MED25: variants seen among roughly 807,000 people sequenced by gnomAD.
MED25 encodes mediator of RNA polymerase II transcription subunit 25.
A neutral mutation model predicts 89.4 loss-of-function variants in MED25; 62 were observed. The ratio of observed to expected loss-of-function variants is 0.69; its 90% CI spans 0.57 to 0.86. MED25 has a LOEUF of 0.86. MED25 is among the 40% of genes least tolerant of loss of function. The probability of loss-of-function intolerance (pLI) is 0.00; values close to 1 mark genes in which losing one functional copy is unlikely to be tolerated. For synonymous variants in MED25, 449 were observed against 427.9 expected, an observed-to-expected ratio of 1.05 and a Z score of -0.61; for missense variants, 905 against 1,005.2, an observed-to-expected ratio of 0.90 and a Z score of 1.35.
chr19:49,832,602 A>C (rs1410739330), intron 13 of MED25, among the ~76,000 whole-genome samples, 187 bp downstream of exon 13: 1 of 152,100 alleles, frequency 6.6e-6, no homozygotes, highest in Non-Finnish European at 1.5e-5. Context: ...CGTATGCACC[A>C]GATTTGAGGG....
At chr19:49,837,803 C>G (rs1188640223), downstream of MED25, among the ~76,000 whole-genome samples, 2 of 152,112 alleles carry the variant, frequency 1.3e-5, no homozygotes, top group African/African-American at 4.8e-5. Flanking sequence ...TTTGGCAGTT[C>G]AAGCCACAGA....
At chr19:49,838,029 G>C (rs771842885), downstream of MED25, among the ~76,000 whole-genome samples, 4 of 152,062 alleles carry the variant, frequency 2.6e-5, no homozygotes, top group Admixed American at 6.6e-5. Context: ...AGCGCAGGGT[G>C]GTCTCTCCTG....
At chr19:49,822,837 C>T (rs2073992625) in intron 3 of MED25, among the ~76,000 whole-genome samples, 1 of 151,722 alleles carries the variant, frequency 6.6e-6, no homozygotes, top group African/African-American at 2.4e-5. Context: ...TTAGTAGAGA[C>T]AGGGTTTCAC....
chr19:49,837,024 G>A (rs1236956137), downstream of MED25: 1 of 1,154,546 alleles, frequency 8.7e-7, no homozygotes, highest in Non-Finnish European at 1.3e-6. Context: ...TGGGCAGGAG[G>A]AAACCCCAGG....
At chr19:49,832,481 G>A (rs1172008347) in intron 13 of MED25, 66 bp downstream of exon 13, 25 of 1,005,882 alleles carry the variant, frequency 2.5e-5, no homozygotes, top group South Asian at 2.2e-4. Flanking sequence ...GACCTTTGAC[G>A]GGAATCCCAG....
intron 3 of MED25, among the ~76,000 whole-genome samples, chr19:49,827,513 G>A (rs1327287470): frequency 1.3e-5 from 2 of 152,054 alleles, no homozygotes; most frequent in East Asian, 3.9e-4. Context: ...TCCTCACATG[G>A]CCTCTCCCTG....
chr19:49,822,489 G>A (rs1013452025), intron 3 of MED25, among the ~76,000 whole-genome samples: 9 of 151,812 alleles, frequency 5.9e-5, no homozygotes, highest in Non-Finnish European at 1.2e-4. Flanking sequence ...TGCCCAGGCT[G>A]GTTTTGAACT....
intron 4 of MED25, 140 bp from the exon 5 acceptor site, chr19:49,828,830 G>A: frequency 6.7e-7 from 1 of 1,493,356 alleles, no homozygotes; most frequent in South Asian, 1.2e-5. Flanking sequence ...TGGAGCCTCA[G>A]TGTTCTCAGC....
At position 49,832,133 on chromosome 19, in the gene MED25, GC is replaced by G; in HGVS notation, c.1351del (p.Gln451SerfsTer8). On this transcript the variant is annotated frameshift_variant, in exon 12 of 18. Transcript: ENST00000312865. LOFTEE classifies it high-confidence loss of function. The stretch of plus-strand genomic sequence containing the variant: ...AGCAGTGGCCCCAGAAGCTGATCAT[GC>G]AGCTCATCCCCCAGCAGCTGCTGGT... ...TEQWPQKLIMQLIPQQLLTTL... is the reference protein window; with the variant it reads ...TEQWPQKLIMXLIPQQLLTTL... 5 of 1,612,916 alleles carry G rather than the reference GC, an allele frequency of 3.1e-6. No homozygotes were observed. The highest frequency in any genetic ancestry group is 4.2e-6 in the Non-Finnish European group (5 of 1,180,008).
rs2074036488 is a variant in MED25, at chr19:49,829,272, G to A, written c.525+182G>A. Among the ~76,000 whole-genome samples the A allele has an allele frequency of 6.6e-6, 1 of 152,078 alleles. No individual in the cohort carries two copies. ...TCAGACACAGAATAGTCACAGACTG[G>A]TGACCAGCTTTGCTTACTCTCTTTT... On this transcript the variant is annotated intron_variant, in intron 5 of 17. Coordinates refer to ENST00000312865, the MANE Select transcript of MED25 (RefSeq NM_030973.4). The surrounding 1 kb of genome is among the most constrained non-coding windows in gnomAD (Gnocchi z 4.6).
downstream of MED25, chr19:49,839,545 A>G (rs1484014528): frequency 6.6e-6 from 1 of 152,248 alleles, no homozygotes; most frequent in Non-Finnish European, 1.5e-5. Context: ...AAGTTAACCA[A>G]CTTGGTTCAT....
chr19:49,831,234 A>G lies in MED25; in HGVS notation c.1102-99A>G. The G allele has an allele frequency of 7.7e-7, 1 of 1,306,704 alleles. No individual in the cohort carries two copies. The highest frequency in any genetic ancestry group is 1.1e-6 in the Non-Finnish European group (1 of 946,218). The allele number at this position is 1,306,704 out of a possible 1,614,324, so 80.9% of individuals were successfully genotyped here. A position where few individuals can be genotyped will look rare whatever the true frequency, so the allele number is the denominator to read the frequency against. Reference sequence around the variant, plus strand: ...TGTTCTGGGGATGGAGGGGCAGAAGAAGGGATCTTTCCTCCTTCCTGGTTT... The same window carrying G: ...TGTTCTGGGGATGGAGGGGCAGAAGGAGGGATCTTTCCTCCTTCCTGGTTT... On this transcript the variant is annotated intron_variant, in intron 9 of 17. Coordinates refer to ENST00000312865, the MANE Select transcript of MED25 (RefSeq NM_030973.4). The surrounding 1 kb of genome is among the most constrained non-coding windows in gnomAD (Gnocchi z 5.0).
Position 49,831,210 on chromosome 19 carries a change from G to A in MED25, c.1102-123G>A. Reference sequence around the variant, plus strand: ...GGGGTCCTGCGGCTGGCCAAGTGCTGTTCTGGGGATGGAGGGGCAGAAGAA... The same window carrying A: ...GGGGTCCTGCGGCTGGCCAAGTGCTATTCTGGGGATGGAGGGGCAGAAGAA... On this transcript the variant is annotated intron_variant, in intron 9 of 17. Coordinates refer to ENST00000312865, the MANE Select transcript of MED25 (RefSeq NM_030973.4). This position sits in a 1 kb window ranked among gnomAD's most constrained non-coding sequence, Gnocchi z 5.0. The A allele has an allele frequency of 8.8e-7, 1 of 1,137,072 alleles. No homozygotes were observed. The highest frequency in any genetic ancestry group is 1.2e-6 in the Non-Finnish European group (1 of 802,108). The allele number at this position is 1,137,072 out of a possible 1,614,324, so 70.4% of individuals were successfully genotyped here. A position where few individuals can be genotyped will look rare whatever the true frequency, so the allele number is the denominator to read the frequency against.
chr19:49,825,212 T>A (rs2074008261), intron 3 of MED25, among the ~76,000 whole-genome samples: 1 of 152,118 alleles, frequency 6.6e-6, no homozygotes, highest in Non-Finnish European at 1.5e-5. Context: ...CATCTCAAAC[T>A]GGTTAGTTTA....
At chr19:49,819,327 T>G (rs759656698) in intron 3 of MED25, 31 bp downstream of exon 3, 2 of 1,095,952 alleles carry the variant, frequency 1.8e-6, no homozygotes, top group South Asian at 1.4e-5. Context: ...GGTGGGTTGC[T>G]GGTCCCTGTG....
chr19:49,838,947 GAGTGACGTGTCCTGCAC>G (rs1600334761), downstream of MED25: 1 of 367,400 alleles, frequency 2.7e-6, no homozygotes, highest in East Asian at 7.3e-5. Context: ...TAAAGGAGCA[GAGTGACGTGTCCTGCAC>G]AGAAACACAT....
rs1412190443 is a variant in MED25 at position 49,831,498 on chromosome 19, C to A, written c.1230+37C>A. ...GAGGGTCCATTGGGCACTTGGGACT[C>A]CTGGGGCCGTGGGGCTGGGCATGTA... is the stretch of plus-strand genomic sequence containing the variant. On this transcript the variant is annotated intron_variant, in intron 10 of 17. Transcript: ENST00000312865. The surrounding 1 kb of genome is among the most constrained non-coding windows in gnomAD (Gnocchi z 5.0). The A allele has an allele frequency of 6.2e-7, 1 of 1,602,840 alleles. No homozygotes were observed.
downstream of MED25, chr19:49,838,935 T>G: frequency 5.4e-6 from 2 of 369,984 alleles, no homozygotes; most frequent in Non-Finnish European, 1.1e-5. Flanking sequence ...ATGGCAAGTT[T>G]ATAAAGGAGC....
Position 49,830,822 on chromosome 19 carries a change from C to T in MED25, c.1036C>T (p.Leu346=), listed in dbSNP as rs774768558. 7.4e-6 allele frequency: 12 copies of T among 1,613,304 alleles called. 1 individual carries two copies. In the East Asian group the frequency reaches 2.7e-4, roughly 36 times the overall value. The part of the protein sequence containing the change: ...PKPPPASQPS[L]VSTVAPGSGL... ...GCCACCACCTGCTTCCCAGCCCAGTCTGGTCTCCACTGTGGCCCCTGGCTC... is the reference window on the plus strand; with the variant it reads ...GCCACCACCTGCTTCCCAGCCCAGTTTGGTCTCCACTGTGGCCCCTGGCTC... Residue 346 remains leucine (L), a synonymous_variant, in exon 9 of 18, where the codon CTG becomes TTG. Transcript: ENST00000312865. The surrounding 1 kb of genome is among the most constrained non-coding windows in gnomAD (Gnocchi z 4.6).
Sources: gnomAD v4.1 joint callset for allele counts (sites outside exome capture counted in the v4.1 genomes callset) on GRCh38, gnomAD v4.1.1 for gene constraint, Gnocchi (gnomAD v3.1) non-coding constraint, MANE v1.5 for transcripts, NCBI Gene and HGNC (gene_info 2026-07-23, HGNC 2026-07-21) for gene names.